Variants in UHRF1 observed in about 807,000 individuals in gnomAD.
UHRF1 encodes ubiquitin like with PHD and ring finger domains 1, also known as E3 ubiquitin-protein ligase UHRF1.
UHRF1 carries 9 observed loss-of-function variants against 96.5 expected under a neutral mutation model. That is an observed-to-expected ratio of 0.09 (90% CI 0.06 to 0.16). The LOEUF is 0.16. Ranked by LOEUF, UHRF1 falls within the 10% of genes least tolerant of loss-of-function variation. The pLI is 1.00. For synonymous variants in UHRF1, 455 were observed against 469.9 expected (o/e 0.97, Z 0.41); for missense variants, 626 against 1,131.1 (o/e 0.55, Z 6.40).
intron 5 of UHRF1, among the ~76,000 whole-genome samples, chr19:4,934,126 T>C (rs2033147413): frequency 6.6e-6 from 1 of 151,254 alleles, no homozygotes; most frequent in African/African-American, 2.4e-5. Context: ...CAGGTTCAGG[T>C]GATTCTCCTG....
At chr19:4,906,752 C>CAAAAAGAAAAAGAA (rs1013086630), upstream of UHRF1, among the ~76,000 whole-genome samples, 2 of 151,892 alleles carry the variant, frequency 1.3e-5, no homozygotes. Context: ...GACTCCATCT[C>CAAAAAGAAAAAGAA]AAAAAGAAAA....
At position 4,944,367 on chromosome 19, in the gene UHRF1, A is replaced by G. The variant is rs768894401; in HGVS notation, c.1222A>G (p.Lys408Glu). 6.2e-7 allele frequency: 1 copy of G among 1,614,012 alleles called. No individual in the cohort carries two copies. The highest frequency in any genetic ancestry group is 8.5e-7 in the Non-Finnish European group (1 of 1,179,884). ...GGGCATGGCCTGTGTGGGCCGCACC[A>G]AGGAATGTACCATCGTCCCGTCCAA... The part of the protein sequence containing the change: ...GKGMACVGRT[K>E]ECTIVPSNHY... The change falls in exon 9 of 17, where the codon AAG (lysine) becomes GAG (glutamate). Residue 408 changes from lysine to glutamate, a missense_variant. Lys to Glu is a moderately conservative substitution (Grantham distance 56). Around this residue, in one of 11 missense-constraint regions of UHRF1, gnomAD observed 69 missense variants for 159.8 expected, o/e 0.43. Coordinates refer to ENST00000650932, the MANE Select transcript of UHRF1 (RefSeq NM_001048201.3).
chr19:4,954,645 T>G lies in UHRF1; in HGVS notation c.1958-5T>G. The G allele has an allele frequency of 6.2e-7, 1 of 1,612,082 alleles. No homozygotes were observed. Among genetic ancestry groups the G allele is most frequent in the Non-Finnish European group, 8.5e-7 (1 of 1,179,144 alleles). ...CCCTCCCTCACGCGCCCCACCCTCTTCCAGGAGGTGGCCCGAGCAGGGCCG... is the reference window on the plus strand; with the variant it reads ...CCCTCCCTCACGCGCCCCACCCTCTGCCAGGAGGTGGCCCGAGCAGGGCCG... On this transcript the variant is annotated splice_polypyrimidine_tract_variant and splice_region_variant and intron_variant, in intron 14 of 16. Transcript: ENST00000650932. The surrounding 1 kb of genome is among the most constrained non-coding windows in gnomAD (Gnocchi z 5.9).
At chr19:4,938,263 G>A (rs1472212132) in intron 5 of UHRF1, among the ~76,000 whole-genome samples, 1 of 152,042 alleles carries the variant, frequency 6.6e-6, no homozygotes, top group African/African-American at 2.4e-5. Flanking sequence ...TGACTGTCTG[G>A]ACTATCTGTT....
In UHRF1 at chr19:4,947,093, T is replaced by C. The variant is rs1255367811; in HGVS notation, c.1411-12T>C. The C allele has an allele frequency of 6.2e-7, 1 of 1,611,914 alleles. No individual in the cohort carries two copies. Among genetic ancestry groups the C allele is most frequent in the Non-Finnish European group, 8.5e-7 (1 of 1,178,712 alleles). ...CTGCAGAGGGTTCACCCAGCCTTCT[T>C]GTCTGTTTCAGGACCATGGGAATTT... On this transcript the variant is annotated splice_polypyrimidine_tract_variant and intron_variant, in intron 10 of 16. Transcript: ENST00000650932.
intron 7 of UHRF1, among the ~76,000 whole-genome samples, chr19:4,943,387 A>G (rs957654021): frequency 4.6e-5 from 7 of 151,944 alleles, no homozygotes; most frequent in Admixed American, 4.6e-4. Flanking sequence ...TGGCGCACAT[A>G]ATGACAATTG....
At chr19:4,944,902 C>T (rs2033517395) in intron 9 of UHRF1, among the ~76,000 whole-genome samples, 1 of 152,204 alleles carries the variant, frequency 6.6e-6, no homozygotes, top group Non-Finnish European at 1.5e-5. Flanking sequence ...CCATCCTGGG[C>T]ACTGCAGGGT....
chr19:4,952,262 T>TTTTG (rs897325505), intron 13 of UHRF1, among the ~76,000 whole-genome samples: 2 of 151,890 alleles, frequency 1.3e-5, no homozygotes, highest in Non-Finnish European at 2.9e-5. Flanking sequence ...CTGGCTCAGT[T>TTTTG]TTTGTATTTT....
intron 4 of UHRF1, among the ~76,000 whole-genome samples, chr19:4,932,051 C>T (rs1166673640): frequency 1.3e-5 from 2 of 152,238 alleles, no homozygotes; most frequent in East Asian, 3.9e-4. Context: ...GCCTCAGCCT[C>T]CCGAGTAGCT....
rs1368095528 is a variant in UHRF1, at chr19:4,956,803, A to C, written c.2225A>C (p.Asn742Thr). ...CCCATCACGACCGTGTGCCAGCACA[A>C]CGTGTGCAAGGTGAGTAGAGATGGC... ...FRPITTVCQH[N>T]VCKDCLDRSF... The change falls in exon 16 of 17, where the codon AAC becomes ACC. Residue 742 changes from asparagine (N) to threonine (T), a missense_variant. Physicochemically the swap from Asn to Thr is moderately conservative, Grantham distance 65. This residue lies in a region of UHRF1 where 84 missense variants were observed against 150.3 expected (regional missense o/e 0.56). Coordinates refer to ENST00000650932, the MANE Select transcript of UHRF1 (RefSeq NM_001048201.3). 6.2e-7 allele frequency: 1 copy of C among 1,607,802 alleles called. No homozygotes were observed. The highest frequency in any genetic ancestry group is 8.5e-7 in the Non-Finnish European group (1 of 1,177,038).
intron 16 of UHRF1, among the ~76,000 whole-genome samples, chr19:4,957,609 G>A (rs17879163): frequency 0.015 from 2,338 of 152,158 alleles, 68 homozygotes; most frequent in African/African-American, 0.053. Context: ...CGCCCACCCC[G>A]CAGCTGATGG....
At chr19:4,911,561 C>T (rs2032275903) in intron 2 of UHRF1, among the ~76,000 whole-genome samples, 1 of 152,176 alleles carries the variant, frequency 6.6e-6, no homozygotes, top group African/African-American at 2.4e-5. Context: ...ATTTCCGCCA[C>T]CCTGAGCCTG....
In UHRF1 at chr19:4,910,973, C is replaced by T. The variant is rs763928060; in HGVS notation, c.88C>T (p.Arg30Trp). Residue 30 changes from arginine to tryptophan, a missense_variant, in exon 2 of 17, where the codon CGG becomes TGG. Arg to Trp is a moderately radical substitution (Grantham distance 101). Transcript: ENST00000650932. ...SRLTKVEELR[R>W]KIQELFHVEP... ...GCTGACCAAGGTGGAGGAGCTGAGGCGGAAGATCCAGGAGCTGTTCCACGT... is the reference window on the plus strand; with the variant it reads ...GCTGACCAAGGTGGAGGAGCTGAGGTGGAAGATCCAGGAGCTGTTCCACGT... 8 of 1,613,160 alleles carry T rather than the reference C, an allele frequency of 5.0e-6. No homozygotes were observed. The highest frequency in any genetic ancestry group is 6.8e-6 in the Non-Finnish European group (8 of 1,179,378).
intron 2 of UHRF1, among the ~76,000 whole-genome samples, chr19:4,924,129 G>A (rs1012560453): frequency 1.3e-5 from 2 of 152,132 alleles, no homozygotes; most frequent in Non-Finnish European, 2.9e-5. Context: ...ACCATGCCTG[G>A]CTAATTTTTT....
At chr19:4,919,555 G>A (rs559166102) in intron 2 of UHRF1, among the ~76,000 whole-genome samples, 1 of 151,972 alleles carries the variant, frequency 6.6e-6, no homozygotes, top group African/African-American at 2.4e-5. Context: ...ACCCGCCTCC[G>A]CCTCCCAAAG....
intron 11 of UHRF1, among the ~76,000 whole-genome samples, chr19:4,948,115 A>C (rs1268556693): frequency 6.6e-6 from 1 of 151,696 alleles, no homozygotes; most frequent in African/African-American, 2.4e-5. Context: ...AAAAAAAAAA[A>C]AAAAACCCCT....
chr19:4,920,740 A>C (rs16992667), intron 2 of UHRF1, among the ~76,000 whole-genome samples: 1 of 152,066 alleles, frequency 6.6e-6, no homozygotes, highest in Non-Finnish European at 1.5e-5. Flanking sequence ...TTTTGAAGTG[A>C]GTTACAGATG....
intron 2 of UHRF1, among the ~76,000 whole-genome samples, chr19:4,917,926 G>T (rs906346057): frequency 6.6e-6 from 1 of 152,106 alleles, no homozygotes; most frequent in Non-Finnish European, 1.5e-5. Context: ...CTTCTGAGTA[G>T]TTGGGACTAC....
chr19:4,932,673 C>T (rs780545031), intron 4 of UHRF1, 68 bp from the exon 5 acceptor site: 15 of 1,566,668 alleles, frequency 9.6e-6, no homozygotes, highest in Non-Finnish European at 1.3e-5. Flanking sequence ...CCCACCTCGG[C>T]TCGTTTCCCA....
Sources: gnomAD v4.1 joint callset for allele counts (sites outside exome capture counted in the v4.1 genomes callset) on GRCh38, gnomAD v4.1.1 for gene constraint, gnomAD v4.1.1 regional missense constraint, Gnocchi (gnomAD v3.1) non-coding constraint, MANE v1.5 for transcripts, NCBI Gene and HGNC (gene_info 2026-07-23, HGNC 2026-07-21) for gene names.